CNTN3: variants seen among roughly 807,000 people sequenced by gnomAD.
The protein encoded by CNTN3 is contactin-3.
In CNTN3, 60 loss-of-function variants were observed where a neutral mutation model predicts 119.1. The ratio of observed to expected loss-of-function variants is 0.50; its 90% CI spans 0.41 to 0.62. The LOEUF (loss-of-function observed/expected upper bound fraction) is 0.62. Ranked by LOEUF, CNTN3 falls within the 20% of genes least tolerant of loss-of-function variation. The probability of loss-of-function intolerance (pLI) is 0.00; values close to 1 mark genes in which losing one functional copy is unlikely to be tolerated. For synonymous variants in CNTN3, 450 were observed against 438.7 expected (o/e 1.03, Z -0.32); for missense variants, 1,101 against 1,242.4 (o/e 0.89, Z 1.71).
chr3:74,419,857 C>A (rs1701589255), intron 5 of CNTN3, among the ~76,000 whole-genome samples: 1 of 152,076 alleles, frequency 6.6e-6, no homozygotes, highest in African/African-American at 2.4e-5. Context: ...AGTCTTATGA[C>A]CTTACTGAAA....
intron 1 of CNTN3, among the ~76,000 whole-genome samples, chr3:74,580,734 G>C (rs76566654): frequency 0.039 from 5,951 of 152,190 alleles, 163 homozygotes; most frequent in South Asian, 0.13. Context: ...ATGATAAAGA[G>C]TATTAACAAA....
intron 5 of CNTN3, among the ~76,000 whole-genome samples, chr3:74,384,334 G>A (rs1704694909): frequency 6.6e-6 from 1 of 152,140 alleles, no homozygotes; most frequent in Admixed American, 6.5e-5. Flanking sequence ...ATCTCCTTGT[G>A]AAAAGAAAAA....
At chr3:74,374,283 G>T (rs1704416342) in intron 5 of CNTN3, among the ~76,000 whole-genome samples, 1 of 142,670 alleles carries the variant, frequency 7.0e-6, no homozygotes, top group African/African-American at 2.5e-5. Context: ...CTTTTTTCCA[G>T]TTTTTTTTTT....
chr3:74,568,088 C>T (rs1165809204), intron 1 of CNTN3, among the ~76,000 whole-genome samples: 1 of 152,120 alleles, frequency 6.6e-6, no homozygotes, highest in South Asian at 2.1e-4. Flanking sequence ...TCAACAGCAA[C>T]TTTCTATTTT....
intron 1 of CNTN3, among the ~76,000 whole-genome samples, chr3:74,569,541 T>A (rs1330880843): frequency 1.3e-5 from 2 of 152,164 alleles, no homozygotes; most frequent in Non-Finnish European, 2.9e-5. Flanking sequence ...AGCACTTCAG[T>A]GAGTGAAAAT....
chr3:74,596,098 A>G (rs1343751128), intron 1 of CNTN3, among the ~76,000 whole-genome samples: 1 of 152,164 alleles, frequency 6.6e-6, no homozygotes, highest in Non-Finnish European at 1.5e-5. Flanking sequence ...TGCTTCAAAG[A>G]GAATAAAATA....
chr3:74,451,283 C>A (rs1441661671), intron 4 of CNTN3, among the ~76,000 whole-genome samples: 1 of 152,174 alleles, frequency 6.6e-6, no homozygotes, highest in Non-Finnish European at 1.5e-5. Context: ...AGCATTTTTT[C>A]ATGTGTTTTT....
At chr3:74,401,944 A>G (rs1705205520) in intron 5 of CNTN3, among the ~76,000 whole-genome samples, 1 of 152,216 alleles carries the variant, frequency 6.6e-6, no homozygotes, top group African/African-American at 2.4e-5. Context: ...TGAAGAGTAA[A>G]GCCCATCTTT....
At chr3:74,510,330 C>T (rs538873943) in intron 2 of CNTN3, among the ~76,000 whole-genome samples, 15 of 152,194 alleles carry the variant, frequency 9.9e-5, no homozygotes, top group Non-Finnish European at 1.8e-4. Context: ...GAAACATCTT[C>T]ACTGTGTCCT....
chr3:74,599,672 A>C (rs1347618054), intron 1 of CNTN3, among the ~76,000 whole-genome samples: 11 of 152,062 alleles, frequency 7.2e-5, no homozygotes, highest in Admixed American at 7.2e-4. Flanking sequence ...GATACAAAAA[A>C]CCATGTACAA....
At chr3:74,298,754 G>A (rs777000330) in intron 17 of CNTN3, among the ~76,000 whole-genome samples, 16 of 151,302 alleles carry the variant, frequency 1.1e-4, no homozygotes, top group East Asian at 5.9e-4. Context: ...AAAATTAGCC[G>A]GGCGTGGTGG....
At chr3:74,528,662 T>TC (rs1488062274) in intron 1 of CNTN3, among the ~76,000 whole-genome samples, 1 of 151,832 alleles carries the variant, frequency 6.6e-6, no homozygotes, top group Non-Finnish European at 1.5e-5. Context: ...CAACCTATTT[T>TC]CCCCACACAA....
intron 4 of CNTN3, among the ~76,000 whole-genome samples, chr3:74,443,517 C>T (rs1188315651): frequency 2.0e-5 from 3 of 152,140 alleles, no homozygotes; most frequent in Non-Finnish European, 2.9e-5. Flanking sequence ...CAAACTCTTT[C>T]GCATGGCTGA....
intron 1 of CNTN3, among the ~76,000 whole-genome samples, chr3:74,583,693 A>G (rs1704550729): frequency 6.6e-6 from 1 of 152,232 alleles, no homozygotes; most frequent in Non-Finnish European, 1.5e-5. Flanking sequence ...CATCAAAGTG[A>G]AAACAAGATT....
chr3:74,507,007 A>C (rs1703273384), intron 2 of CNTN3, among the ~76,000 whole-genome samples: 1 of 142,850 alleles, frequency 7.0e-6, no homozygotes, highest in African/African-American at 2.6e-5. Flanking sequence ...AATTCCCTTT[A>C]TGTATCTTAG....
chr3:74,329,499 G>A (rs1288837003), intron 13 of CNTN3, among the ~76,000 whole-genome samples: 2 of 152,168 alleles, frequency 1.3e-5, no homozygotes, highest in Non-Finnish European at 2.9e-5. Context: ...GGGTGAACTA[G>A]TGTGTTTACG....
intron 4 of CNTN3, among the ~76,000 whole-genome samples, chr3:74,447,008 C>T (rs1368509707): frequency 6.6e-6 from 1 of 152,090 alleles, no homozygotes; most frequent in Non-Finnish European, 1.5e-5. Context: ...GTTTCATTTA[C>T]GACTATTTCA....
At chr3:74,523,577 T>A (rs913943176) in intron 1 of CNTN3, among the ~76,000 whole-genome samples, 1 of 151,850 alleles carries the variant, frequency 6.6e-6, no homozygotes, top group Non-Finnish European at 1.5e-5. Context: ...ATACACGAAA[T>A]CTAACTTAGA....
At chr3:74,549,861 G>A (rs1703964868) in intron 1 of CNTN3, among the ~76,000 whole-genome samples, 1 of 152,194 alleles carries the variant, frequency 6.6e-6, no homozygotes, top group African/African-American at 2.4e-5. Context: ...GTTCCAATGA[G>A]AGAATCACAG....
Sources: allele counts gnomAD v4.1 joint callset (sites outside exome capture counted in the v4.1 genomes callset), GRCh38; gene constraint gnomAD v4.1.1; transcripts MANE v1.5; gene names NCBI Gene and HGNC (gene_info 2026-07-23, HGNC 2026-07-21).